USH2A: variants seen among roughly 807,000 people sequenced by gnomAD.
The protein encoded by USH2A is Usher syndrome 2A (autosomal recessive, mild).
In USH2A, 443 loss-of-function variants were observed where a neutral mutation model predicts 538.9. The ratio of observed to expected loss-of-function variants is 0.82; its 90% confidence interval spans 0.76 to 0.89. The LOEUF is 0.89. Ranked by LOEUF, USH2A falls within the 40% of genes least tolerant of loss-of-function variation. The pLI, the probability that USH2A is intolerant of heterozygous loss-of-function variation, is 0.00. For missense variants in USH2A, 6,633 were observed against 6,324.8 expected, an observed-to-expected ratio of 1.05 and a Z score of -1.65; for synonymous variants, 2,413 against 2,273.5, an observed-to-expected ratio of 1.06 and a Z score of -1.75.
rs914071757 is a variant in USH2A, at chr1:216,200,029, C to T, written c.3409G>A (p.Val1137Ile). The T allele has an allele frequency of 3.1e-6, 5 of 1,613,916 alleles. No individual in the cohort carries two copies. The highest frequency in any genetic ancestry group is 3.3e-5 in the Admixed American group (2 of 59,996). ...GGTTTTGTCTTGTAAGTGACAGCTA[C>T]ACTCCTTGTTGAACCATGCACATTG... Reference protein sequence around the residue: ...TTNVHGSTRSVAVTYKTKPGV... With the variant: ...TTNVHGSTRSIAVTYKTKPGV... The change falls in exon 17 of 72, where the codon GTA (valine) becomes ATA (isoleucine). Residue 1137 changes from valine to isoleucine, a missense_variant. By Grantham distance (29) the Val-to-Ile change is conservative (BLOSUM62 3). Transcript: ENST00000307340.
intron 32 of USH2A, among the ~76,000 whole-genome samples, chr1:216,001,497 G>T (rs1015786970): frequency 3.9e-5 from 6 of 152,066 alleles, no homozygotes; most frequent in Admixed American, 2.6e-4. Flanking sequence ...ACTCAATTCT[G>T]AAATATCCTG....
chr1:216,011,735 T>G (rs1164853564), intron 32 of USH2A, among the ~76,000 whole-genome samples: 1 of 152,080 alleles, frequency 6.6e-6, no homozygotes, highest in African/African-American at 2.4e-5. Context: ...TTCCAAAATC[T>G]ATTTTCTTCC....
intron 2 of USH2A, among the ~76,000 whole-genome samples, chr1:216,420,854 C>A: frequency 6.6e-6 from 1 of 152,140 alleles, no homozygotes; most frequent in East Asian, 1.9e-4. Context: ...GACATGCCAA[C>A]TTTCACTTGG....
intron 41 of USH2A, among the ~76,000 whole-genome samples, chr1:215,883,366 G>A (rs1664967310): frequency 6.6e-6 from 1 of 151,674 alleles, no homozygotes; most frequent in South Asian, 2.1e-4. Flanking sequence ...ACTTTTTTTG[G>A]TGGGTGGGGG....
intron 47 of USH2A, among the ~76,000 whole-genome samples, chr1:215,831,707 A>G (rs1422858795): frequency 6.6e-6 from 1 of 152,106 alleles, no homozygotes; most frequent in Admixed American, 6.5e-5. Flanking sequence ...CCGAAGCAGG[A>G]CTGAGAGAAA....
At chr1:215,708,621 C>T (rs1659249941) in intron 61 of USH2A, among the ~76,000 whole-genome samples, 1 of 152,168 alleles carries the variant, frequency 6.6e-6, no homozygotes, top group Admixed American at 6.5e-5. Flanking sequence ...AAGGAGCACA[C>T]AACTTAGATC....
chr1:216,176,211 C>T (rs888390452), intron 20 of USH2A, among the ~76,000 whole-genome samples: 1 of 151,876 alleles, frequency 6.6e-6, no homozygotes, highest in Non-Finnish European at 1.5e-5. Flanking sequence ...AGGCAATGTG[C>T]CAGGGGTAAC....
chr1:216,147,335 C>T lies in USH2A; in HGVS notation c.4627+27917G>A, dbSNP rs867042452. On this transcript the variant is annotated intron_variant, in intron 21 of 71. Coordinates refer to ENST00000307340, the MANE Select transcript of USH2A (RefSeq NM_206933.4). ...TCACACCTGGTCCGGCTTACAGTTTCGTTCCGTGACTAGCCCTCCCCCACC... is the reference window on the plus strand; with the variant it reads ...TCACACCTGGTCCGGCTTACAGTTTTGTTCCGTGACTAGCCCTCCCCCACC... Among the ~76,000 whole-genome samples the T allele has an allele frequency of 6.8e-3, 1,031 of 152,234 alleles. 8 individuals are homozygous for T. Among genetic ancestry groups the T allele is most frequent in the South Asian group, 0.024 (116 of 4,824 alleles).
At chr1:216,236,596 T>C (rs2035822231) in intron 13 of USH2A, among the ~76,000 whole-genome samples, 1 of 152,174 alleles carries the variant, frequency 6.6e-6, no homozygotes, top group African/African-American at 2.4e-5. Context: ...CTCTAAAATA[T>C]GAGATGATCC....
At chr1:216,144,233 A>AAATACGAC (rs2033651365) in intron 21 of USH2A, among the ~76,000 whole-genome samples, 1 of 152,186 alleles carries the variant, frequency 6.6e-6, no homozygotes, top group South Asian at 2.1e-4. Context: ...CCCATAGTTT[A>AAATACGAC]AATACGACCC....
chr1:216,056,880 C>T (rs1289447384), intron 30 of USH2A, among the ~76,000 whole-genome samples: 3 of 151,986 alleles, frequency 2.0e-5, no homozygotes, highest in Non-Finnish European at 4.4e-5. Context: ...CCAAATATAA[C>T]ACAAATATAA....
intron 61 of USH2A, among the ~76,000 whole-genome samples, chr1:215,718,884 G>A (rs368409198): frequency 7.9e-5 from 12 of 152,294 alleles, no homozygotes; most frequent in African/African-American, 2.9e-4. Flanking sequence ...TATGGCCTGG[G>A]CCTGTTAGTA....
At chr1:216,211,566 G>T (rs3754064) in intron 15 of USH2A, among the ~76,000 whole-genome samples, 99,817 of 152,082 alleles carry the variant, frequency 0.66, 33,023 homozygotes, top group East Asian at 0.76. Context: ...TCCTAAGGCA[G>T]ATAATATTTA....
At chr1:215,768,717 C>T (rs1025759758) in intron 55 of USH2A, among the ~76,000 whole-genome samples, 3 of 152,148 alleles carry the variant, frequency 2.0e-5, no homozygotes, top group Admixed American at 2.0e-4. Context: ...TCAGAGGTTG[C>T]AGTGGCAAAC....
chr1:216,015,092 T>A (rs1027999579), intron 32 of USH2A, among the ~76,000 whole-genome samples: 1 of 152,210 alleles, frequency 6.6e-6, no homozygotes, highest in African/African-American at 2.4e-5. Flanking sequence ...TGGTTTTCCT[T>A]TCTTCTCTCT....
intron 64 of USH2A, among the ~76,000 whole-genome samples, chr1:215,667,993 A>T (rs527776371): frequency 6.6e-6 from 1 of 152,192 alleles, no homozygotes; most frequent in Non-Finnish European, 1.5e-5. Context: ...AACCTCCCCA[A>T]CTATACATCC....
At chr1:216,336,429 A>T (rs1258291562) in intron 4 of USH2A, among the ~76,000 whole-genome samples, 2 of 151,200 alleles carry the variant, frequency 1.3e-5, no homozygotes, top group Non-Finnish European at 3.0e-5. Context: ...GAAGAAATAA[A>T]TCTTTCCATA....
At chr1:216,188,549 G>A (rs898043174) in intron 20 of USH2A, among the ~76,000 whole-genome samples, 5 of 151,816 alleles carry the variant, frequency 3.3e-5, no homozygotes, top group African/African-American at 1.2e-4. Flanking sequence ...TTAGGTTAAC[G>A]ACAGCCCCCA....
At chr1:216,345,382 C>A (rs1183253441) in intron 4 of USH2A, among the ~76,000 whole-genome samples, 1 of 152,026 alleles carries the variant, frequency 6.6e-6, no homozygotes, top group Non-Finnish European at 1.5e-5. Context: ...GAAAAAAAGA[C>A]AATTTTCCTT....
Sources: allele counts gnomAD v4.1 joint callset (sites outside exome capture counted in the v4.1 genomes callset), GRCh38; gene constraint gnomAD v4.1.1; transcripts MANE v1.5; gene names NCBI Gene and HGNC (gene_info 2026-07-23, HGNC 2026-07-21).